CA7: variants seen among roughly 807,000 people sequenced by gnomAD.
CA7 encodes the protein carbonic anhydrase 7.
CA7 carries 13 observed loss-of-function variants against 31.4 expected under a neutral mutation model. The ratio of observed to expected loss-of-function variants is 0.41; its 90% confidence interval spans 0.27 to 0.66. The LOEUF (loss-of-function observed/expected upper bound fraction) is 0.66. Among genes scored for constraint, CA7 ranks in the 30% least tolerant of loss-of-function variants. CA7 has a pLI of 0.28. For synonymous variants in CA7, 128 were observed against 133.2 expected, an observed-to-expected ratio of 0.96 and a Z score of 0.27; for missense variants, 215 against 351.0, an observed-to-expected ratio of 0.61 and a Z score of 3.10.
intron 1 of CA7, 93 bp from the exon 2 acceptor site, chr16:66,846,937 G>A (rs1457870751): frequency 9.8e-7 from 1 of 1,017,826 alleles, no homozygotes; most frequent in Admixed American, 1.9e-5. Flanking sequence ...CCTCTGAAAG[G>A]ATGCTGAAGA....
chr16:66,852,010 G>A (rs1961065850), intron 5 of CA7, among the ~76,000 whole-genome samples: 1 of 152,158 alleles, frequency 6.6e-6, no homozygotes, highest in Non-Finnish European at 1.5e-5. Context: ...GCAAGGGAGG[G>A]AAGATCGTGG....
At chr16:66,851,761 G>T (rs1315954291) in intron 5 of CA7, 35 bp downstream of exon 5, 1 of 1,586,428 alleles carries the variant, frequency 6.3e-7, no homozygotes. Flanking sequence ...GCAGCCCGAT[G>T]GGGAGAGAGG....
At chr16:66,846,387 G>A (rs752882807) in intron 1 of CA7, among the ~76,000 whole-genome samples, 9 of 152,310 alleles carry the variant, frequency 5.9e-5, no homozygotes, top group Non-Finnish European at 2.9e-5. Context: ...AAAGATTAAT[G>A]TGTTCATAGG....
chr16:66,847,246 A>T lies in CA7; in HGVS notation c.238+19A>T. On this transcript the variant is annotated intron_variant, in intron 2 of 6. Coordinates refer to ENST00000338437, the MANE Select transcript of CA7 (RefSeq NM_005182.3). ...CGAACCGGTAAGTGGCCCCTGCCAA[A>T]GCCTGGCACCTGGCCCCTGGCCCCT... 2 of 1,612,656 alleles carry T rather than the reference A, an allele frequency of 1.2e-6. No homozygotes were observed. Among genetic ancestry groups the T allele is most frequent in the Non-Finnish European group, 1.7e-6 (2 of 1,178,810 alleles).
Position 66,850,538 on chromosome 16 carries a change from C to T in CA7, c.239-3C>T. On this transcript the variant is annotated splice_polypyrimidine_tract_variant and splice_region_variant and intron_variant, in intron 2 of 6. Transcript: ENST00000338437. Reference sequence around the variant, plus strand: ...TTGCCACTCGCCCCACTTCTACCCACAGTGGTGACTGGGGGCCCCCTGGAA... The same window carrying T: ...TTGCCACTCGCCCCACTTCTACCCATAGTGGTGACTGGGGGCCCCCTGGAA... 4 of 1,562,274 alleles carry T rather than the reference C, an allele frequency of 2.6e-6. No individual in the cohort carries two copies. Among genetic ancestry groups the T allele is most frequent in the Non-Finnish European group, 3.5e-6 (4 of 1,132,688 alleles).
chr16:66,845,773 C>T (rs1183716286), intron 1 of CA7, among the ~76,000 whole-genome samples: 1 of 152,196 alleles, frequency 6.6e-6, no homozygotes, highest in Non-Finnish European at 1.5e-5. Context: ...CTAGTCATGC[C>T]CACCAGCTCT....
At chr16:66,848,980 C>T (rs938792967) in intron 2 of CA7, among the ~76,000 whole-genome samples, 2 of 152,168 alleles carry the variant, frequency 1.3e-5, no homozygotes, top group East Asian at 3.9e-4. Context: ...TAAGACCGGG[C>T]AAGAAAGAGG....
chr16:66,850,456 C>A, intron 2 of CA7, 85 bp from the exon 3 acceptor site: 1 of 806,316 alleles, frequency 1.2e-6, no homozygotes, highest in Non-Finnish European at 2.2e-6. Context: ...AAAAAATGTC[C>A]CTTTCCTGGG....
intron 1 of CA7, among the ~76,000 whole-genome samples, chr16:66,845,423 C>A (rs956384386): frequency 2.0e-5 from 3 of 152,092 alleles, no homozygotes; most frequent in Non-Finnish European, 2.9e-5. Context: ...CACTCCTCTG[C>A]GGAGAGGCAG....
At chr16:66,852,547 G>GAAGGAAGA (rs1961081055) in intron 5 of CA7, among the ~76,000 whole-genome samples, 165 bp from the exon 6 acceptor site, 4 of 134,904 alleles carry the variant, frequency 3.0e-5, no homozygotes, top group Admixed American at 1.6e-4. Context: ...AGGAAGGAAG[G>GAAGGAAGA]AAGAAAGAAA....
intron 5 of CA7, 90 bp from the exon 6 acceptor site, chr16:66,852,622 A>G: frequency 2.3e-6 from 2 of 879,292 alleles, no homozygotes; most frequent in Non-Finnish European, 1.6e-6. Flanking sequence ...AAGAAAAGAA[A>G]AAAGAAAGAA....
chr16:66,844,953 G>A (rs1960894175), intron 1 of CA7: 1 of 1,002,490 alleles, frequency 1.0e-6, no homozygotes, highest in Non-Finnish European at 1.2e-6. Context: ...CGGGGACCTC[G>A]GGGGAGCGGG....
intron 5 of CA7, 133 bp downstream of exon 5, chr16:66,851,859 CA>C: frequency 1.3e-6 from 1 of 781,436 alleles, no homozygotes; most frequent in Non-Finnish European, 2.2e-6. Flanking sequence ...TCAGCATCAG[CA>C]GGGCCCTGCA....
chr16:66,846,073 T>C (rs575493220), intron 1 of CA7, among the ~76,000 whole-genome samples: 7 of 152,174 alleles, frequency 4.6e-5, no homozygotes, highest in East Asian at 1.9e-4. Context: ...GCTCTAAAAA[T>C]AGGCTGCATC....
intron 2 of CA7, among the ~76,000 whole-genome samples, chr16:66,848,808 A>C (rs1015026240): frequency 6.6e-6 from 1 of 152,194 alleles, no homozygotes; most frequent in Non-Finnish European, 1.5e-5. Context: ...ATAGGGTCCC[A>C]GGTGAGGCAT....
intron 2 of CA7, among the ~76,000 whole-genome samples, chr16:66,848,725 C>T (rs375559798): frequency 1.3e-5 from 2 of 152,172 alleles, no homozygotes; most frequent in South Asian, 4.1e-4. Flanking sequence ...TGTGTGTGAA[C>T]TGGGGGAGGA....
chr16:66,850,846 T>C (rs545588687), intron 3 of CA7, among the ~76,000 whole-genome samples, 187 bp downstream of exon 3: 21 of 152,284 alleles, frequency 1.4e-4, no homozygotes, highest in Admixed American at 1.3e-3. Flanking sequence ...TGTCCACTGC[T>C]ATCCTTCCTG....
Position 66,852,887 on chromosome 16 carries a change from C to T in CA7, c.672+20C>T. On this transcript the variant is annotated intron_variant, in intron 6 of 6. Transcript: ENST00000338437. ...AGGCAGGTGAGTCCTCTCAGAGGACCAGATGGAGGGACATGGCACTCAGGG... is the reference window on the plus strand; with the variant it reads ...AGGCAGGTGAGTCCTCTCAGAGGACTAGATGGAGGGACATGGCACTCAGGG... 6.2e-7 allele frequency: 1 copy of T among 1,607,618 alleles called. No individual in the cohort carries two copies. The highest frequency in any genetic ancestry group is 8.5e-7 in the Non-Finnish European group (1 of 1,175,770).
intron 5 of CA7, among the ~76,000 whole-genome samples, chr16:66,852,016 C>T (rs1042781178): frequency 2.6e-5 from 4 of 152,136 alleles, no homozygotes; most frequent in African/African-American, 9.7e-5. Context: ...GAGGGAAGAT[C>T]GTGGCCAAAT....
Sources: gnomAD v4.1 joint callset for allele counts (sites outside exome capture counted in the v4.1 genomes callset) on GRCh38, gnomAD v4.1.1 for gene constraint, MANE v1.5 for transcripts, NCBI Gene and HGNC (gene_info 2026-07-23, HGNC 2026-07-21) for gene names.